PPIP5K1: variants seen among roughly 807,000 people sequenced by gnomAD.
The protein encoded by PPIP5K1 is inositol hexakisphosphate and diphosphoinositol-pentakisphosphate kinase 1.
In PPIP5K1, 6 loss-of-function variants were observed where a neutral mutation model predicts 27.7. The ratio of observed to expected loss-of-function variants is 0.22; its 90% CI spans 0.12 to 0.43. The LOEUF is 0.43. PPIP5K1 is among the 20% of genes least tolerant of loss of function. The pLI is 1.00. For synonymous variants in PPIP5K1, 145 were observed against 242.6 expected, an observed-to-expected ratio of 0.60 and a Z score of 3.74; for missense variants, 394 against 635.4, an observed-to-expected ratio of 0.62 and a Z score of 4.08.
intron 31 of PPIP5K1, among the ~76,000 whole-genome samples, chr15:43,538,933 C>T (rs544563498): frequency 6.6e-6 from 1 of 152,286 alleles, no homozygotes; most frequent in African/African-American, 2.4e-5. Flanking sequence ...CCCCAAAGAG[C>T]GCTTTGAGGA....
intron 30 of PPIP5K1, among the ~76,000 whole-genome samples, chr15:43,541,202 C>A (rs1449438451): frequency 1.3e-5 from 2 of 152,050 alleles, no homozygotes; most frequent in African/African-American, 2.4e-5. Context: ...CCGTCTTGAC[C>A]TCCTGGCTCA....
chr15:43,549,708 T>C (rs1441864320), intron 30 of PPIP5K1, among the ~76,000 whole-genome samples: 1 of 152,146 alleles, frequency 6.6e-6, no homozygotes, highest in Non-Finnish European at 1.5e-5. Context: ...CCTGGGCTCA[T>C]GCCTATAACC....
intron 23 of PPIP5K1, 68 bp downstream of exon 23, chr15:43,572,701 G>GT (rs879092116): frequency 0.16 from 63,657 of 403,552 alleles, 4 homozygotes; most frequent in South Asian, 0.28. Context: ...GGATAAGCAA[G>GT]TTTTTTTTTT....
chr15:43,550,576 A>G (rs1458060489), intron 30 of PPIP5K1, among the ~76,000 whole-genome samples: 1 of 146,636 alleles, frequency 6.8e-6, no homozygotes. Context: ...GTGAACAGAA[A>G]TACTTTTATT....
At chr15:43,550,325 T>C (rs1200820639) in intron 30 of PPIP5K1, among the ~76,000 whole-genome samples, 2 of 151,966 alleles carry the variant, frequency 1.3e-5, no homozygotes, top group Non-Finnish European at 2.9e-5. Context: ...TTTATTTTTT[T>C]TGTAGAGAGA....
In PPIP5K1 at chr15:43,550,238, C is replaced by A. The variant is rs145406232; in HGVS notation, c.3556+8557G>T. Among the ~76,000 whole-genome samples the A allele has an allele frequency of 3.1e-3, 471 of 152,028 alleles. 1 individual carries two copies. The highest frequency in any genetic ancestry group is 0.01 in the Middle Eastern group (3 of 294). On this transcript the variant is annotated intron_variant, in intron 30 of 31. Transcript: ENST00000420765. The stretch of plus-strand genomic sequence containing the variant: ...GCCACCTTGACCTCCTATGCTCAAG[C>A]CATCCTCCTCCCTCAGCCTCTCAAT...
intron 30 of PPIP5K1, among the ~76,000 whole-genome samples, chr15:43,541,245 T>C (rs1434384049): frequency 6.6e-6 from 1 of 152,068 alleles, no homozygotes; most frequent in Non-Finnish European, 1.5e-5. Flanking sequence ...CTTGAGTAGC[T>C]GGGACTACAG....
At chr15:43,539,413 A>G in intron 31 of PPIP5K1, 57 bp downstream of exon 31, 1 of 1,281,768 alleles carries the variant, frequency 7.8e-7, no homozygotes, top group Non-Finnish European at 1.1e-6. Context: ...CCCCTCATTC[A>G]CCAATCACTC....
chr15:43,557,092 G>A (rs1049728263), intron 30 of PPIP5K1, among the ~76,000 whole-genome samples: 5 of 152,082 alleles, frequency 3.3e-5, no homozygotes, highest in African/African-American at 9.7e-5. Context: ...GGTATACAGT[G>A]TGGGTTCAAT....
chr15:43,557,219 G>T (rs115534220), intron 30 of PPIP5K1, among the ~76,000 whole-genome samples: 2 of 152,096 alleles, frequency 1.3e-5, no homozygotes, highest in African/African-American at 4.8e-5. Flanking sequence ...CCCAAGGGGG[G>T]GTGGATCACC....
intron 30 of PPIP5K1, among the ~76,000 whole-genome samples, chr15:43,557,804 A>T (rs138842165): frequency 1.3e-3 from 199 of 149,190 alleles, no homozygotes; most frequent in Non-Finnish European, 1.9e-3. Context: ...AGATGAGACT[A>T]CAGGCACACA....
intron 30 of PPIP5K1, chr15:43,548,324 G>A (rs1462999337): frequency 6.6e-6 from 1 of 151,338 alleles, no homozygotes; most frequent in Admixed American, 6.6e-5. Flanking sequence ...GGACAGGCTG[G>A]TCTTGAACTC....
intron 30 of PPIP5K1, among the ~76,000 whole-genome samples, chr15:43,554,591 G>T (rs566605989): frequency 1.7e-4 from 25 of 150,674 alleles, no homozygotes; most frequent in African/African-American, 5.6e-4. Context: ...CCTAATGTGA[G>T]ACTCTTCTCA....
chr15:43,552,246 C>G (rs538970268), intron 30 of PPIP5K1, among the ~76,000 whole-genome samples: 2 of 152,200 alleles, frequency 1.3e-5, no homozygotes, highest in Non-Finnish European at 2.9e-5. Flanking sequence ...TGAGCCACTA[C>G]ACCTGGCCCT....
In PPIP5K1 at chr15:43,558,928, A is replaced by C; in HGVS notation, c.3423T>G (p.Phe1141Leu). Residue 1141 changes from phenylalanine to leucine, a missense_variant, in exon 30 of 32, where the codon TTT becomes TTG. By Grantham distance (22) the Phe-to-Leu change is conservative (BLOSUM62 0). Around this residue, in one of 4 missense-constraint regions of PPIP5K1, gnomAD observed 379 missense variants for 423.9 expected, o/e 0.89. Transcript: ENST00000420765. ...GQDDPECLYG[F>L]EGCSMVPTIY... ...TGGTAGGCACCATGGAACACCCTTC[A>C]AACCCTGTTTGAAAAGAGATGGGCA... is the stretch of plus-strand genomic sequence containing the variant. 6.2e-7 allele frequency: 1 copy of C among 1,613,530 alleles called. No individual in the cohort carries two copies. Among genetic ancestry groups the C allele is most frequent in the South Asian group, 1.1e-5 (1 of 91,046 alleles).
At chr15:43,539,657 C>G in intron 30 of PPIP5K1, 74 bp from the exon 31 acceptor site, 1 of 962,962 alleles carries the variant, frequency 1.0e-6, no homozygotes, top group Non-Finnish European at 1.6e-6. Context: ...GCCACACGTT[C>G]TCAACATAAG....
At chr15:43,548,168 G>T (rs532935191) in intron 30 of PPIP5K1, among the ~76,000 whole-genome samples, 1 of 151,602 alleles carries the variant, frequency 6.6e-6, no homozygotes, top group African/African-American at 2.4e-5. Flanking sequence ...GCGCGATCTT[G>T]GCTCACTGCA....
chr15:43,556,966 A>T (rs1158536976), intron 30 of PPIP5K1, among the ~76,000 whole-genome samples: 1 of 152,188 alleles, frequency 6.6e-6, no homozygotes. Flanking sequence ...TGTTGGTTCT[A>T]GCAGTTTTTT....
chr15:43,548,818 G>A (rs1219983356), intron 30 of PPIP5K1: 2 of 151,150 alleles, frequency 1.3e-5, no homozygotes, highest in Non-Finnish European at 2.9e-5. Context: ...CTGAGGTCAG[G>A]AGTTCGAGAG....
Sources: gnomAD v4.1 joint callset for allele counts (sites outside exome capture counted in the v4.1 genomes callset) on GRCh38, gnomAD v4.1.1 for gene constraint, gnomAD v4.1.1 regional missense constraint, MANE v1.5 for transcripts, NCBI Gene and HGNC (gene_info 2026-07-23, HGNC 2026-07-21) for gene names.